KIF5A: variants seen among roughly 807,000 people sequenced by gnomAD.
KIF5A encodes the protein kinesin family member 5A, also known as kinesin heavy chain isoform 5A.
Under a neutral mutation model 141.3 loss-of-function variants are expected in KIF5A, and 35 were observed. That is an observed-to-expected ratio of 0.25 (90% CI 0.19 to 0.33). KIF5A has a LOEUF of 0.33. Among genes scored for constraint, KIF5A ranks in the 10% least tolerant of loss-of-function variants. The pLI is 1.00. For missense variants in KIF5A, 861 were observed against 1,314.3 expected (o/e 0.66, Z 5.33); for synonymous variants, 448 against 500.2 (o/e 0.90, Z 1.39).
At chr12:57,578,212 A>T (rs1303532384) in intron 22 of KIF5A, 26 bp from the exon 23 acceptor site, 7 of 1,600,656 alleles carry the variant, frequency 4.4e-6, no homozygotes, top group Non-Finnish European at 6.0e-6. Context: ...CAGGACAGCC[A>T]CGTCTTTCCT....
At chr12:57,552,771 A>G (rs1278451406) in intron 1 of KIF5A, among the ~76,000 whole-genome samples, 3 of 152,140 alleles carry the variant, frequency 2.0e-5, no homozygotes, top group Admixed American at 2.0e-4. Flanking sequence ...CAGGATGTCT[A>G]GGAAGGTGCG....
Position 57,568,974 on chromosome 12 carries a change from T to C in KIF5A, c.726T>C (p.Thr242=). 1 of 1,613,796 alleles carries C rather than the reference T, an allele frequency of 6.2e-7. No individual in the cohort carries two copies. The highest frequency in any genetic ancestry group is 8.5e-7 in the Non-Finnish European group (1 of 1,179,896). ...TACTGCCCTGGTAGGTCAGCAAGACTGGAGCAGAGGGAGCCGTGCTGGACG... is the reference window on the plus strand; with the variant it reads ...TACTGCCCTGGTAGGTCAGCAAGACCGGAGCAGAGGGAGCCGTGCTGGACG... ...DLAGSEKVSK[T]GAEGAVLDEA... The change falls in exon 9 of 29, where the codon ACT becomes ACC. Residue 242 remains threonine (T), a synonymous_variant. Transcript: ENST00000455537.
intron 9 of KIF5A, 26 bp downstream of exon 9, chr12:57,569,093 C>G (rs1882161760): frequency 6.3e-7 from 1 of 1,583,732 alleles, no homozygotes; most frequent in South Asian, 1.1e-5. Flanking sequence ...GTCCCCTCAC[C>G]CCTCAAGCCA....
At chr12:57,561,697 G>A (rs1594911097) in intron 1 of KIF5A, among the ~76,000 whole-genome samples, 1 of 152,148 alleles carries the variant, frequency 6.6e-6, no homozygotes, top group East Asian at 1.9e-4. Flanking sequence ...AAAATATAAT[G>A]CTCGTACATA....
chr12:57,572,993 C>G lies in KIF5A; in HGVS notation c.1716+267C>G, dbSNP rs1882304619. Among the ~76,000 whole-genome samples the G allele has an allele frequency of 1.3e-5, 2 of 152,206 alleles. No individual in the cohort carries two copies. The highest frequency in any genetic ancestry group is 4.1e-4 in the South Asian group (2 of 4,832). On this transcript the variant is annotated intron_variant, in intron 15 of 28. Coordinates refer to ENST00000455537, the MANE Select transcript of KIF5A (RefSeq NM_004984.4). The surrounding 1 kb of genome is among the most constrained non-coding windows in gnomAD (Gnocchi z 4.2). The stretch of plus-strand genomic sequence containing the variant: ...TCACTTGAGGTCAGGAGTTCGAGAC[C>G]TGACCTCGCCAACATGGCGAAACCC...
At position 57,572,004 on chromosome 12, in the gene KIF5A, C is replaced by T. The variant is rs1241508945; in HGVS notation, c.1363-57C>T. 24 of 1,476,688 alleles carry T rather than the reference C, an allele frequency of 1.6e-5. No individual in the cohort carries two copies. The highest frequency in any genetic ancestry group is 2.1e-5 in the Non-Finnish European group (22 of 1,065,288). The allele number at this position is 1,476,688 out of a possible 1,614,324, so 91.5% of individuals were successfully genotyped here. ...GGGGCTCAGCTTCCCAGACCCAAGG[C>T]CATAGAAATGGTCACTGGCAGTGAT... On this transcript the variant is annotated intron_variant, in intron 13 of 28. Coordinates refer to ENST00000455537, the MANE Select transcript of KIF5A (RefSeq NM_004984.4). This position sits in a 1 kb window ranked among gnomAD's most constrained non-coding sequence, Gnocchi z 4.2.
At position 57,576,346 on chromosome 12, in the gene KIF5A, C is replaced by G; in HGVS notation, c.2166C>G (p.Asn722Lys). The G allele has an allele frequency of 1.9e-6, 3 of 1,613,942 alleles. No individual in the cohort carries two copies. The highest frequency in any genetic ancestry group is 2.5e-6 in the Non-Finnish European group (3 of 1,179,876). The change falls in exon 19 of 29, where the codon AAC becomes AAG. Residue 722 changes from asparagine to lysine, a missense_variant. This residue lies in a region of KIF5A where 482 missense variants were observed against 661.3 expected (regional missense o/e 0.73). Transcript: ENST00000455537. ...RQLARLRDEI[N>K]EKQKTIDELK... ...TGGCCCGGCTCCGGGACGAGATCAA[C>G]GAGAAGCAGAAGACCATTGATGAGC... is the stretch of plus-strand genomic sequence containing the variant.
rs1882584560 is a variant in KIF5A at position 57,581,152 on chromosome 12, G to A, written c.2735G>A (p.Arg912Gln). ...EAVRYKSSGK[R>Q]GHSAQIAKPV... ...GTTCGCTACAAGAGCTCGGGCAAAC[G>A]GGGCCATTCTGCCCAGATTGGTGAG... is the stretch of plus-strand genomic sequence containing the variant. Residue 912 changes from arginine to glutamine, a missense_variant, in exon 24 of 29, where the codon CGG becomes CAG. Arg to Gln is a conservative substitution (Grantham distance 43). This residue lies in a region of KIF5A where 482 missense variants were observed against 661.3 expected (regional missense o/e 0.73). Transcript: ENST00000455537. 1 of 1,613,850 alleles carries A rather than the reference G, an allele frequency of 6.2e-7. No individual in the cohort carries two copies. The highest frequency in any genetic ancestry group is 8.5e-7 in the Non-Finnish European group (1 of 1,179,926).
At chr12:57,559,700 T>C (rs920159756) in intron 1 of KIF5A, among the ~76,000 whole-genome samples, 2 of 152,178 alleles carry the variant, frequency 1.3e-5, no homozygotes, top group African/African-American at 2.4e-5. Context: ...AAATACCACT[T>C]GTATGTTGTT....
chr12:57,567,579 T>C lies in KIF5A; in HGVS notation c.675T>C (p.Ser225=). The change falls in exon 8 of 29, where the codon AGT becomes AGC. Residue 225 remains serine, a synonymous_variant. Transcript: ENST00000455537. The part of the protein sequence containing the change: ...QENMETEQKL[S]GKLYLVDLAG... ...ACATGGAAACGGAGCAGAAGCTCAGTGGGAAGCTGTATCTGGTGGACCTGG... is the reference window on the plus strand; with the variant it reads ...ACATGGAAACGGAGCAGAAGCTCAGCGGGAAGCTGTATCTGGTGGACCTGG... The C allele has an allele frequency of 6.2e-7, 1 of 1,609,710 alleles. No individual in the cohort carries two copies. The highest frequency in any genetic ancestry group is 8.5e-7 in the Non-Finnish European group (1 of 1,178,704).
chr12:57,583,079 C>T lies in KIF5A; in HGVS notation c.3021-22C>T, dbSNP rs760152300. 5.0e-6 allele frequency: 8 copies of T among 1,599,258 alleles called. No homozygotes were observed. The Admixed American group carries it at 1.2e-4, about 23-fold the overall frequency. On this transcript the variant is annotated intron_variant, in intron 27 of 28. Coordinates refer to ENST00000455537, the MANE Select transcript of KIF5A (RefSeq NM_004984.4). ...ATACTTTAATTTCTATGGAGCTGAT[C>T]ATGGTGGGTCTCTTCCTCCAGGAGT...
intron 25 of KIF5A, 39 bp downstream of exon 25, chr12:57,581,607 G>T (rs767233121): frequency 6.2e-7 from 1 of 1,610,436 alleles, no homozygotes; most frequent in South Asian, 1.1e-5. Flanking sequence ...CCCACCCAAA[G>T]CTCCCTGGAC....
chr12:57,563,638 A>G lies in KIF5A; in HGVS notation c.236A>G (p.Asn79Ser), dbSNP rs1299838179. 6 of 1,614,006 alleles carry G rather than the reference A, an allele frequency of 3.7e-6. No individual in the cohort carries two copies. The highest frequency in any genetic ancestry group is 5.1e-6 in the Non-Finnish European group (6 of 1,180,004). Residue 79 changes from asparagine to serine, a missense_variant, in exon 3 of 29, where the codon AAT (asparagine) becomes AGT (serine). By Grantham distance (46) the Asn-to-Ser change is conservative (BLOSUM62 1). Transcript: ENST00000455537. ...CTTCCAGATGTCCTTGCTGGCTACAATGGCACCATTTTTGCTTATGGACAG... is the reference window on the plus strand; with the variant it reads ...CTTCCAGATGTCCTTGCTGGCTACAGTGGCACCATTTTTGCTTATGGACAG... ...QIVKDVLAGY[N>S]GTIFAYGQTS... is the part of the protein sequence containing the mutation.
At chr12:57,582,387 C>T (rs1882632990) in intron 26 of KIF5A, among the ~76,000 whole-genome samples, 1 of 152,138 alleles carries the variant, frequency 6.6e-6, no homozygotes, top group South Asian at 2.1e-4. Flanking sequence ...CAGCCCTTGC[C>T]TTCCAGTTCC....
intron 15 of KIF5A, among the ~76,000 whole-genome samples, chr12:57,574,006 C>G (rs1170905607): frequency 6.7e-6 from 1 of 149,566 alleles, no homozygotes; most frequent in Admixed American, 6.7e-5. Flanking sequence ...TGGCGTGAAC[C>G]TGGGAGGCGG....
chr12:57,584,366 T>C lies in KIF5A; in HGVS notation c.*185T>C, dbSNP rs917935667. 1.3e-5 allele frequency: 2 copies of C among 152,708 alleles called. No homozygotes were observed. Among genetic ancestry groups the C allele is most frequent in the Non-Finnish European group, 2.9e-5 (2 of 68,062 alleles). 9.5% of individuals were successfully genotyped at this position (152,708 alleles called of 1,614,324 possible). On this transcript the variant is annotated 3_prime_UTR_variant, in exon 29 of 29. Transcript: ENST00000455537. ...TATCTCTTTGTACTCTGTATCTATATATCAAAAGCTGCTGCTATGTCTCTC... is the reference window on the plus strand; with the variant it reads ...TATCTCTTTGTACTCTGTATCTATACATCAAAAGCTGCTGCTATGTCTCTC...
At position 57,550,263 on chromosome 12, in the gene KIF5A, G is replaced by T; in HGVS notation, c.-9G>T. The stretch of plus-strand genomic sequence containing the variant: ...CAAGAAGAGTCCCAGCCCCACGCCG[G>T]CTACCACCATGGCGGAGACCAACAA... On this transcript the variant is annotated 5_prime_UTR_variant, in exon 1 of 29. Transcript: ENST00000455537. This position sits in a 1 kb window ranked among gnomAD's most constrained non-coding sequence, Gnocchi z 4.6. The T allele has an allele frequency of 1.2e-6, 2 of 1,613,946 alleles. No homozygotes were observed. The highest frequency in any genetic ancestry group is 8.5e-7 in the Non-Finnish European group (1 of 1,179,986).
At chr12:57,571,498 G>GGAGT in intron 13 of KIF5A, 109 bp downstream of exon 13, 1 of 1,080,386 alleles carries the variant, frequency 9.3e-7, no homozygotes, top group Non-Finnish European at 1.4e-6. Flanking sequence ...TTCTGCTTGG[G>GGAGT]GATTAATCAC....
Position 57,583,084 on chromosome 12 carries a change from T to G in KIF5A, c.3021-17T>G. 6.2e-7 allele frequency: 1 copy of G among 1,603,444 alleles called. No homozygotes were observed. Among genetic ancestry groups the G allele is most frequent in the African/African-American group, 1.3e-5 (1 of 74,826 alleles). On this transcript the variant is annotated splice_polypyrimidine_tract_variant and intron_variant, in intron 27 of 28. Transcript: ENST00000455537. ...TTAATTTCTATGGAGCTGATCATGGTGGGTCTCTTCCTCCAGGAGTGACCT... is the reference window on the plus strand; with the variant it reads ...TTAATTTCTATGGAGCTGATCATGGGGGGTCTCTTCCTCCAGGAGTGACCT...
Sources: allele counts gnomAD v4.1 joint callset (sites outside exome capture counted in the v4.1 genomes callset), GRCh38; gene constraint gnomAD v4.1.1; regional missense constraint gnomAD v4.1.1; non-coding constraint Gnocchi (gnomAD v3.1); transcripts MANE v1.5; gene names NCBI Gene and HGNC (gene_info 2026-07-23, HGNC 2026-07-21).